The following EYA2 variants were observed in gnomAD, a reference collection of about 807,000 sequenced individuals.
EYA2 encodes protein phosphatase EYA2.
A neutral mutation model predicts 69.2 loss-of-function variants in EYA2; 31 were observed. The ratio of observed to expected loss-of-function variants is 0.45; its 90% CI spans 0.34 to 0.60. The LOEUF (loss-of-function observed/expected upper bound fraction) is 0.60. Ranked by LOEUF, EYA2 falls within the 20% of genes least tolerant of loss-of-function variation. EYA2 has a pLI of 0.02. For synonymous variants in EYA2, 257 were observed against 279.4 expected (o/e 0.92, Z 0.80); for missense variants, 622 against 701.2 (o/e 0.89, Z 1.28).
intron 10 of EYA2, among the ~76,000 whole-genome samples, chr20:47,158,062 T>C (rs2033992100): frequency 6.6e-6 from 1 of 152,006 alleles, no homozygotes; most frequent in Non-Finnish European, 1.5e-5. Flanking sequence ...TGTGACTCTT[T>C]ACAGAAGTTT....
chr20:46,968,565 C>G (rs926714853), intron 1 of EYA2, among the ~76,000 whole-genome samples: 12 of 152,178 alleles, frequency 7.9e-5, no homozygotes, highest in Non-Finnish European at 1.2e-4. Context: ...TCACCACCCC[C>G]CAGAACATCA....
chr20:47,125,640 G>T (rs1313385847), intron 9 of EYA2, among the ~76,000 whole-genome samples: 1 of 152,170 alleles, frequency 6.6e-6, no homozygotes, highest in African/African-American at 2.4e-5. Flanking sequence ...ACAAGGAGGA[G>T]ATTTAACTGG....
chr20:46,957,239 C>T (rs538224560), intron 1 of EYA2, among the ~76,000 whole-genome samples: 4 of 152,188 alleles, frequency 2.6e-5, no homozygotes, highest in Admixed American at 2.0e-4. Flanking sequence ...GGTTACTGTA[C>T]CCCTTCCTCC....
Position 47,107,559 on chromosome 20 carries a change from G to A in EYA2, c.888+10391G>A, listed in dbSNP as rs576785121. Among the ~76,000 whole-genome samples the A allele has an allele frequency of 4.0e-5, 6 of 149,256 alleles. No homozygotes were observed. In the South Asian group the frequency reaches 8.5e-4, roughly 21 times the overall value. ...AAAAAAAAGAAAGAAAGAAATGCAA[G>A]GCCAGGCATGGTGGTGTACCCCTGT... On this transcript the variant is annotated intron_variant, in intron 9 of 15. Transcript: ENST00000327619.
At chr20:46,988,668 A>G (rs1164552020) in intron 1 of EYA2, among the ~76,000 whole-genome samples, 1 of 152,218 alleles carries the variant, frequency 6.6e-6, no homozygotes, top group Non-Finnish European at 1.5e-5. Flanking sequence ...TGCGTTAACC[A>G]GAAACCTTAT....
chr20:47,180,914 C>T lies in EYA2; in HGVS notation c.1413C>T (p.Asn471=), dbSNP rs947249671. 8.1e-6 allele frequency: 13 copies of T among 1,614,030 alleles called. No individual in the cohort carries two copies. The highest frequency in any genetic ancestry group is 1.7e-5 in the Admixed American group (1 of 60,000). ...TGGGGTCTGTGTTTCCTATTGAGAA[C>T]ATCTACAGTGCAACCAAGACAGGTA... The part of the protein sequence containing the change: ...YGLGSVFPIE[N]IYSATKTGKE... The change falls in exon 14 of 16, where the codon AAC becomes AAT. Residue 471 remains asparagine (N), a synonymous_variant. Coordinates refer to ENST00000327619, the MANE Select transcript of EYA2 (RefSeq NM_005244.5).
chr20:47,179,961 T>G, intron 13 of EYA2, 49 bp downstream of exon 13: 5 of 1,335,150 alleles, frequency 3.7e-6, no homozygotes, highest in Non-Finnish European at 5.4e-6. Context: ...TTTCTCGCAG[T>G]AGACAGTGGT....
chr20:47,078,538 C>T lies in EYA2; in HGVS notation c.661+4203C>T, dbSNP rs1389980312. Among the ~76,000 whole-genome samples, 5 of 152,198 alleles carry T rather than the reference C, an allele frequency of 3.3e-5. No homozygotes were observed. The South Asian group carries it at 8.3e-4, about 25-fold the overall frequency. ...TTTGGTGCTCTCACCACTCACATCCCCCATGCACCCCATCCTCGCCACAGG... is the reference window on the plus strand; with the variant it reads ...TTTGGTGCTCTCACCACTCACATCCTCCATGCACCCCATCCTCGCCACAGG... On this transcript the variant is annotated intron_variant, in intron 7 of 15. Transcript: ENST00000327619.
chr20:46,899,736 C>T (rs1009213251), intron 1 of EYA2, among the ~76,000 whole-genome samples: 2 of 152,196 alleles, frequency 1.3e-5, no homozygotes, highest in Non-Finnish European at 2.9e-5. Flanking sequence ...CCACTGGTTG[C>T]CTGAATCTGG....
At chr20:46,964,068 T>C in intron 1 of EYA2, among the ~76,000 whole-genome samples, 1 of 152,216 alleles carries the variant, frequency 6.6e-6, no homozygotes, top group East Asian at 1.9e-4. Flanking sequence ...GAATCGAAAA[T>C]ACCAGAGTGT....
intron 11 of EYA2, among the ~76,000 whole-genome samples, chr20:47,170,637 ACT>A (rs1405145518): frequency 6.8e-6 from 1 of 147,720 alleles, no homozygotes; most frequent in African/African-American, 2.5e-5. Flanking sequence ...ACAGAGCGAG[ACT>A]CCGTCTCAAA....
At chr20:47,101,074 CTT>C in intron 9 of EYA2, among the ~76,000 whole-genome samples, 1 of 152,198 alleles carries the variant, frequency 6.6e-6, no homozygotes, top group East Asian at 1.9e-4. Flanking sequence ...TCTTGTCCCT[CTT>C]TTTTTATTAT....
In EYA2 at chr20:46,938,803, G is replaced by A. The variant is rs112165040; in HGVS notation, c.-11+43816G>A. Among the ~76,000 whole-genome samples the A allele has an allele frequency of 1.2e-3, 186 of 152,156 alleles. 2 individuals are homozygous for A. Among genetic ancestry groups the A allele is most frequent in the African/African-American group, 3.6e-3 (148 of 41,514 alleles). ...GGTACTGTGTGGGAGGGGACTACAC[G>A]GGGGTGTGAAGACCAGGGAGGCAGA... On this transcript the variant is annotated intron_variant, in intron 1 of 15. Transcript: ENST00000327619.
intron 5 of EYA2, among the ~76,000 whole-genome samples, chr20:47,023,231 C>T (rs1027779016): frequency 6.6e-6 from 1 of 152,098 alleles, no homozygotes; most frequent in African/African-American, 2.4e-5. Context: ...AAAATATAAG[C>T]AGTCTATTAT....
intron 5 of EYA2, among the ~76,000 whole-genome samples, chr20:47,017,360 G>A (rs1983473240): frequency 1.3e-5 from 2 of 152,156 alleles, no homozygotes; most frequent in African/African-American, 4.8e-5. Flanking sequence ...GCCCAGACTG[G>A]GCTCAAGTGA....
chr20:46,982,358 C>T (rs1404009828), intron 1 of EYA2, among the ~76,000 whole-genome samples: 1 of 152,034 alleles, frequency 6.6e-6, no homozygotes, highest in Non-Finnish European at 1.5e-5. Flanking sequence ...TCTTTTATTC[C>T]CCCTCTGACT....
chr20:46,905,206 T>C (rs996947026), intron 1 of EYA2, among the ~76,000 whole-genome samples: 5 of 147,700 alleles, frequency 3.4e-5, no homozygotes, highest in African/African-American at 1.3e-4. Context: ...AAAAAAAAAA[T>C]ACATGATATA....
intron 5 of EYA2, among the ~76,000 whole-genome samples, chr20:47,040,083 C>T (rs1318451076): frequency 1.3e-5 from 2 of 151,950 alleles, no homozygotes; most frequent in East Asian, 1.9e-4. Context: ...TCAGGTGACC[C>T]ACCCACCTCG....
chr20:46,999,464 T>A (rs1370990621), intron 2 of EYA2, among the ~76,000 whole-genome samples: 2 of 152,188 alleles, frequency 1.3e-5, no homozygotes, highest in African/African-American at 4.8e-5. Flanking sequence ...TTTCTTTGAA[T>A]GTGATACATG....
Sources: allele counts gnomAD v4.1 joint callset (sites outside exome capture counted in the v4.1 genomes callset), GRCh38; gene constraint gnomAD v4.1.1; transcripts MANE v1.5; gene names NCBI Gene and HGNC (gene_info 2026-07-23, HGNC 2026-07-21).